The following CCDC171 variants were observed in gnomAD, a reference collection of about 807,000 sequenced individuals.
The protein encoded by CCDC171 is coiled-coil domain containing 171, also known as coiled-coil domain-containing protein 171.
In CCDC171, 177 loss-of-function variants were observed where a neutral mutation model predicts 168.2. The ratio of observed to expected loss-of-function variants is 1.05; its 90% confidence interval spans 0.93 to 1.19. CCDC171 has a LOEUF of 1.19. Ranked by LOEUF, CCDC171 falls within the 50% of genes most tolerant of loss-of-function variation. The pLI is 0.00. For missense variants in CCDC171, 1,991 were observed against 1,539.0 expected, an observed-to-expected ratio of 1.29 and a Z score of -4.91; for synonymous variants, 687 against 540.8, an observed-to-expected ratio of 1.27 and a Z score of -3.75.
intron 7 of CCDC171, among the ~76,000 whole-genome samples, chr9:15,636,275 T>C (rs1276522703): frequency 6.6e-6 from 1 of 152,194 alleles, no homozygotes; most frequent in East Asian, 1.9e-4. Context: ...CCTCATACTC[T>C]AACCACACAT....
At chr9:15,899,492 C>A (rs1397910015) in intron 24 of CCDC171, among the ~76,000 whole-genome samples, 1 of 152,154 alleles carries the variant, frequency 6.6e-6, no homozygotes. Context: ...TCCTCGCCAG[C>A]ACTTGGTGTT....
chr9:15,958,775 G>A (rs768137755), intron 25 of CCDC171, among the ~76,000 whole-genome samples: 4 of 151,978 alleles, frequency 2.6e-5, no homozygotes, highest in Non-Finnish European at 2.9e-5. Context: ...GAGAAATTAC[G>A]TTAATGCAAT....
intron 4 of CCDC171, among the ~76,000 whole-genome samples, chr9:15,591,006 C>G (rs907177006): frequency 6.6e-6 from 1 of 151,946 alleles, no homozygotes; most frequent in African/African-American, 2.4e-5. Flanking sequence ...TGTACCACCA[C>G]ACTCAGCTGG....
intron 20 of CCDC171, among the ~76,000 whole-genome samples, chr9:15,783,126 G>T (rs2057751575): frequency 6.6e-6 from 1 of 152,152 alleles, no homozygotes; most frequent in South Asian, 2.1e-4. Flanking sequence ...GAAGTGGCAG[G>T]CAGGGTACCT....
At chr9:15,605,333 A>C (rs980857023) in intron 6 of CCDC171, among the ~76,000 whole-genome samples, 5 of 152,006 alleles carry the variant, frequency 3.3e-5, no homozygotes, top group African/African-American at 4.8e-5. Flanking sequence ...CTGGTATCCT[A>C]TTAACAAATG....
At chr9:16,043,770 A>C (rs542089350) in intron 1 of CCDC171, among the ~76,000 whole-genome samples, 1 of 152,232 alleles carries the variant, frequency 6.6e-6, no homozygotes, top group Non-Finnish European at 1.5e-5. Context: ...TCCATCTCAT[A>C]GTAAATTTGA....
chr9:15,846,944 G>C, intron 22 of CCDC171, 97 bp downstream of exon 22: 1 of 984,214 alleles, frequency 1.0e-6, no homozygotes. Flanking sequence ...TACAGTGTTA[G>C]AAAACAAAAG....
chr9:16,054,422 C>A (rs1332154467), intron 1 of CCDC171, among the ~76,000 whole-genome samples: 1 of 152,214 alleles, frequency 6.6e-6, no homozygotes, highest in Non-Finnish European at 1.5e-5. Flanking sequence ...AGTGAATTCT[C>A]AAGGACTCGT....
Position 16,012,659 on chromosome 9 carries a change from T to G in CCDC171, n.369-7930T>G, listed in dbSNP as rs569483217. On this transcript the variant is annotated intron_variant and non_coding_transcript_variant, in intron 3 of 9. Coordinates refer to the CCDC171 transcript ENST00000486641. ...CTCCTTCCATGAATACAATTTTGTA[T>G]CAGACTCTTGCAGAATACAAATGAG... Among the ~76,000 whole-genome samples the G allele has an allele frequency of 5.3e-4, 80 of 152,260 alleles. 1 individual carries two copies. Among genetic ancestry groups the G allele is most frequent in the Admixed American group, 2.2e-3 (34 of 15,284 alleles).
the CCDC171 span, among the ~76,000 whole-genome samples, chr9:16,090,567 T>TA: frequency 6.6e-6 from 1 of 152,146 alleles, no homozygotes; most frequent in African/African-American, 2.4e-5. Flanking sequence ...AAGTATAATT[T>TA]AAAAAATGCT....
Position 15,603,508 on chromosome 9 carries a change from C to T in CCDC171, c.675+9336C>T, listed in dbSNP as rs574030312. 2.6e-5 allele frequency among the ~76,000 whole-genome samples: 4 copies of T among 152,178 alleles called. No homozygotes were observed. In the East Asian group the frequency reaches 7.7e-4, roughly 29 times the overall value. On this transcript the variant is annotated intron_variant, in intron 6 of 25. Coordinates refer to ENST00000380701, the MANE Select transcript of CCDC171 (RefSeq NM_173550.4). ...TTACAAGTGAGAACATGCGGTATTTCGTTTTCTGTCCCTGCATTAGTTTGC... is the reference window on the plus strand; with the variant it reads ...TTACAAGTGAGAACATGCGGTATTTTGTTTTCTGTCCCTGCATTAGTTTGC...
In CCDC171 at chr9:15,724,891, A is replaced by G. The variant is rs948367355; in HGVS notation, c.1607A>G (p.His536Arg). 8.7e-6 allele frequency: 14 copies of G among 1,613,800 alleles called. No individual in the cohort carries two copies. The Admixed American group carries it at 1.2e-4, about 13-fold the overall frequency. The change falls in exon 14 of 26, where the codon CAC becomes CGC. Residue 536 changes from histidine (H) to arginine (R), a missense_variant. Coordinates refer to ENST00000380701, the MANE Select transcript of CCDC171 (RefSeq NM_173550.4). ...AAAGTGGAACTACAAAATGTGCTGC[A>G]CTGTTGGGAGAAAGAAAAGGCTCAG... ...TLKVELQNVL[H>R]CWEKEKAQAA...
chr9:15,810,587 G>C (rs1013604127), intron 21 of CCDC171, among the ~76,000 whole-genome samples: 1 of 152,194 alleles, frequency 6.6e-6, no homozygotes, highest in Non-Finnish European at 1.5e-5. Flanking sequence ...TTTGAGCACG[G>C]TGCGGGCGGG....
At chr9:15,852,963 A>T (rs77324922) in intron 23 of CCDC171, among the ~76,000 whole-genome samples, 35 of 151,788 alleles carry the variant, frequency 2.3e-4, no homozygotes, top group African/African-American at 7.7e-4. Flanking sequence ...TCTTCATATC[A>T]GTACCGTAAG....
chr9:15,824,844 A>G (rs909997060), intron 21 of CCDC171, among the ~76,000 whole-genome samples: 1 of 152,050 alleles, frequency 6.6e-6, no homozygotes, highest in Non-Finnish European at 1.5e-5. Flanking sequence ...CCTGGATTCC[A>G]ACGTGGTTCA....
At chr9:15,964,834 C>G (rs1428273529) in intron 25 of CCDC171, among the ~76,000 whole-genome samples, 2 of 152,324 alleles carry the variant, frequency 1.3e-5, no homozygotes, top group East Asian at 3.9e-4. Context: ...GATCTCAGCT[C>G]ACTGCAACCT....
intron 4 of CCDC171, among the ~76,000 whole-genome samples, chr9:15,582,074 C>G (rs2041166997): frequency 6.6e-6 from 1 of 152,094 alleles, no homozygotes; most frequent in Non-Finnish European, 1.5e-5. Flanking sequence ...AGAACTTAAA[C>G]AAATTTACAA....
intron 21 of CCDC171, among the ~76,000 whole-genome samples, chr9:15,798,804 A>AT (rs1483680199): frequency 1.3e-5 from 2 of 152,036 alleles, no homozygotes; most frequent in Non-Finnish European, 2.9e-5. Context: ...GGTATTGAAT[A>AT]TTTTTTAGAA....
At chr9:16,098,806 A>G in the CCDC171 span, among the ~76,000 whole-genome samples, 1 of 152,196 alleles carries the variant, frequency 6.6e-6, no homozygotes, top group African/African-American at 2.4e-5. Context: ...AAATAGACTT[A>G]CATGTGTTAG....
Sources: gnomAD v4.1 joint callset for allele counts (sites outside exome capture counted in the v4.1 genomes callset) on GRCh38, gnomAD v4.1.1 for gene constraint, MANE v1.5 for transcripts, NCBI Gene and HGNC (gene_info 2026-07-23, HGNC 2026-07-21) for gene names.